Variants in RAG1 observed in about 807,000 individuals in gnomAD.
RAG1 encodes recombination activating 1.
In RAG1, 35 loss-of-function variants were observed where a neutral mutation model predicts 62.7. That is an observed-to-expected ratio of 0.56 (90% CI 0.43 to 0.74). The LOEUF is 0.74. RAG1 is among the 30% of genes least tolerant of loss of function. The pLI is 0.00. For synonymous variants in RAG1, 461 were observed against 470.3 expected (o/e 0.98, Z 0.26); for missense variants, 1,169 against 1,278.6 (o/e 0.91, Z 1.31).
Position 36,576,443 on chromosome 11 carries a change from C to T in RAG1, c.*7C>T, listed in dbSNP as rs369833659. 2 of 1,613,820 alleles carry T rather than the reference C, an allele frequency of 1.2e-6. No homozygotes were observed. The highest frequency in any genetic ancestry group is 2.7e-5 in the African/African-American group (2 of 74,932). ...AGATTCAATGGAATTTTAAGTAGGG[C>T]AACCACTTATGAGTTGGTTTTTGCA... On this transcript the variant is annotated 3_prime_UTR_variant, in exon 2 of 2. Coordinates refer to ENST00000299440, the MANE Select transcript of RAG1 (RefSeq NM_000448.3).
rs1372154509 is a variant in RAG1 at position 36,578,511 on chromosome 11, G to T, written c.*2075G>T. On this transcript the variant is annotated 3_prime_UTR_variant, in exon 2 of 2. Coordinates refer to ENST00000299440, the MANE Select transcript of RAG1 (RefSeq NM_000448.3). ...CTATTTACTGAAGCATGGTCATGCT[G>T]GTTTATAGATTTTTTACCCATTTCT... 1.2e-5 allele frequency: 2 copies of T among 166,742 alleles called. No homozygotes were observed. Among genetic ancestry groups the T allele is most frequent in the Non-Finnish European group, 2.9e-5 (2 of 68,084 alleles). The allele number at this position is 166,742 out of a possible 1,614,324, so 10.3% of individuals were successfully genotyped here. A position where few individuals can be genotyped will look rare whatever the true frequency, so the allele number is the denominator to read the frequency against.
At chr11:36,514,672 G>A (rs563224426) in intron 1 of RAG1, among the ~76,000 whole-genome samples, 2 of 152,340 alleles carry the variant, frequency 1.3e-5, no homozygotes, top group South Asian at 4.1e-4. Flanking sequence ...CTCATAAGGA[G>A]TGTGCAACCT....
chr11:36,575,951 A>C lies in RAG1; in HGVS notation c.2647A>C (p.Arg883=). 1 of 1,614,180 alleles carries C rather than the reference A, an allele frequency of 6.2e-7. No individual in the cohort carries two copies. ...TTCCGAGGAGAGGCACGAGGCTCTGAGGGAGCTGATGGATCTTTACCTGAA... is the reference window on the plus strand; with the variant it reads ...TTCCGAGGAGAGGCACGAGGCTCTGCGGGAGCTGATGGATCTTTACCTGAA... The part of the protein sequence containing the change: ...IPSEERHEAL[R]ELMDLYLKMK... Residue 883 remains arginine, a synonymous_variant, in exon 2 of 2, where the codon AGG becomes CGG. Transcript: ENST00000299440. The surrounding 1 kb of genome is among the most constrained non-coding windows in gnomAD (Gnocchi z 4.1).
intron 2 of RAG1, among the ~76,000 whole-genome samples, chr11:36,524,851 T>G (rs185966362): frequency 6.6e-6 from 1 of 152,364 alleles, no homozygotes; most frequent in African/African-American, 2.4e-5. Flanking sequence ...TCTTTTCATG[T>G]ACTTATTTGC....
At chr11:36,530,617 A>G (rs1860239635) in intron 2 of RAG1, among the ~76,000 whole-genome samples, 1 of 151,798 alleles carries the variant, frequency 6.6e-6, no homozygotes, top group Non-Finnish European at 1.5e-5. Flanking sequence ...TTACTTTCAA[A>G]GTGTTTGGAT....
chr11:36,516,857 C>G (rs1860003535), intron 1 of RAG1, among the ~76,000 whole-genome samples: 1 of 152,204 alleles, frequency 6.6e-6, no homozygotes, highest in Admixed American at 6.5e-5. Flanking sequence ...TTTGACTTTG[C>G]TACTTACTGC....
At chr11:36,567,467 A>G (rs753096679), upstream of RAG1, 3 of 152,210 alleles carry the variant, frequency 2.0e-5, no homozygotes, top group Non-Finnish European at 4.4e-5. Context: ...GTTTAAACTT[A>G]CAGTAGTTAC....
At chr11:36,551,065 C>G (rs1022118137) in intron 3 of RAG1, among the ~76,000 whole-genome samples, 1 of 152,160 alleles carries the variant, frequency 6.6e-6, no homozygotes, top group Non-Finnish European at 1.5e-5. Flanking sequence ...CTGATAGCAA[C>G]TCTCCTACAG....
In RAG1 at chr11:36,573,791, G is replaced by T. The variant is rs1418203799; in HGVS notation, c.487G>T (p.Val163Leu). ...DLIAKVFRID[V>L]KADVDSIHPT... ...CATTGCCAAGGTTTTCCGGATCGATGTGAAGGCAGATGTTGACTCGATCCA... is the reference window on the plus strand; with the variant it reads ...CATTGCCAAGGTTTTCCGGATCGATTTGAAGGCAGATGTTGACTCGATCCA... Residue 163 changes from valine to leucine, a missense_variant, in exon 2 of 2, where the codon GTG (valine) becomes TTG (leucine). Val to Leu is a conservative substitution (Grantham distance 32, BLOSUM62 1). This residue lies in a region of RAG1 where 369 missense variants were observed against 335.3 expected (regional missense o/e 1.10). Coordinates refer to ENST00000299440, the MANE Select transcript of RAG1 (RefSeq NM_000448.3). 1.2e-6 allele frequency: 2 copies of T among 1,614,116 alleles called. No homozygotes were observed. The highest frequency in any genetic ancestry group is 1.7e-6 in the Non-Finnish European group (2 of 1,180,036).
At chr11:36,518,172 A>G (rs1017071888) in intron 1 of RAG1, among the ~76,000 whole-genome samples, 1 of 152,048 alleles carries the variant, frequency 6.6e-6, no homozygotes. Flanking sequence ...CATGAAACTC[A>G]TCATTTTTTA....
downstream of RAG1, among the ~76,000 whole-genome samples, chr11:36,536,979 C>T (rs757044663): frequency 2.7e-5 from 4 of 149,038 alleles, no homozygotes; most frequent in Non-Finnish European, 5.9e-5. Flanking sequence ...AGGATGGTCT[C>T]GATCTCCTGA....
chr11:36,573,931 A>G lies in RAG1; in HGVS notation c.627A>G (p.Pro209=), dbSNP rs1426731168. The change falls in exon 2 of 2, where the codon CCA becomes CCG. Residue 209 remains proline, a synonymous_variant. Transcript: ENST00000299440. The stretch of plus-strand genomic sequence containing the variant: ...CCATGGAGTGGCACCCCCACACACC[A>G]TCCTGTGACATCTGCAACACTGCCC... ...NVTMEWHPHT[P]SCDICNTARR... is the part of the protein sequence containing the mutation. 16 of 1,613,964 alleles carry G rather than the reference A, an allele frequency of 9.9e-6. No homozygotes were observed. Among genetic ancestry groups the G allele is most frequent in the Middle Eastern group, 1.6e-4 (1 of 6,084 alleles).
At chr11:36,563,586 C>G (rs1056353090), upstream of RAG1, 5 of 148,460 alleles carry the variant, frequency 3.4e-5, no homozygotes, top group East Asian at 2.0e-4. Context: ...TTTTCCATCT[C>G]TCTCCAGAAG....
chr11:36,566,257 G>A (rs185816377), upstream of RAG1, among the ~76,000 whole-genome samples: 6 of 151,966 alleles, frequency 3.9e-5, no homozygotes, highest in Non-Finnish European at 7.4e-5. Context: ...GAGGTTATGG[G>A]CAACCAACCA....
chr11:36,566,017 T>G (rs1354780046), upstream of RAG1: 1 of 152,222 alleles, frequency 6.6e-6, no homozygotes, highest in Non-Finnish European at 1.5e-5. Context: ...TTTTCCTAAT[T>G]ATAAAAGTAT....
intron 3 of RAG1, among the ~76,000 whole-genome samples, chr11:36,549,429 A>G (rs2133272708): frequency 6.6e-6 from 1 of 152,380 alleles, no homozygotes; most frequent in Middle Eastern, 3.4e-3. Flanking sequence ...CTTTAAAAGA[A>G]AAATACAAAC....
In RAG1 at chr11:36,512,714, A is replaced by G. The variant is rs577826390; in HGVS notation, n.330+1676A>G. ...TTCCTATTAGTAAAGTTACCTATAT[A>G]TAGCAACCACAATGATCAGGTTTCC... On this transcript the variant is annotated intron_variant and non_coding_transcript_variant, in intron 1 of 2. Coordinates refer to the RAG1 transcript ENST00000529126. Among the ~76,000 whole-genome samples the G allele has an allele frequency of 2.0e-5, 3 of 152,366 alleles. No homozygotes were observed. In the East Asian group the frequency reaches 5.8e-4, roughly 29 times the overall value.
upstream of RAG1, chr11:36,510,477 A>G (rs112775612): frequency 7.2e-5 from 11 of 152,464 alleles, no homozygotes; most frequent in African/African-American, 2.4e-4. Flanking sequence ...GAGTGTGTCA[A>G]TGGGTGTGTG....
chr11:36,528,136 A>C (rs1020085735), intron 2 of RAG1, among the ~76,000 whole-genome samples: 1 of 152,322 alleles, frequency 6.6e-6, no homozygotes, highest in African/African-American at 2.4e-5. Context: ...CTCTGCACCA[A>C]GTGGACCTCA....
Sources: allele counts gnomAD v4.1 joint callset (sites outside exome capture counted in the v4.1 genomes callset), GRCh38; gene constraint gnomAD v4.1.1; regional missense constraint gnomAD v4.1.1; non-coding constraint Gnocchi (gnomAD v3.1); transcripts MANE v1.5; gene names NCBI Gene and HGNC (gene_info 2026-07-23, HGNC 2026-07-21).